Variants in KIAA1217 observed in about 807,000 individuals in gnomAD.
KIAA1217 encodes KIAA1217.
Under a neutral mutation model 163.9 loss-of-function variants are expected in KIAA1217, and 88 were observed. The observed-to-expected ratio is 0.54, with a 90% CI of 0.45 to 0.64. KIAA1217 has a LOEUF of 0.64. Ranked by LOEUF, KIAA1217 falls within the 30% of genes least tolerant of loss-of-function variation. The probability of loss-of-function intolerance (pLI) is 0.00; values close to 1 mark genes in which losing one functional copy is unlikely to be tolerated. For missense variants in KIAA1217, 2,372 were observed against 2,475.0 expected, an observed-to-expected ratio of 0.96 and a Z score of 0.88; for synonymous variants, 903 against 923.1, an observed-to-expected ratio of 0.98 and a Z score of 0.39.
intron 2 of KIAA1217, among the ~76,000 whole-genome samples, chr10:24,083,820 G>T (rs2061608770): frequency 6.6e-6 from 1 of 152,232 alleles, no homozygotes; most frequent in Non-Finnish European, 1.5e-5. Flanking sequence ...TTTCTGCCTT[G>T]TGTAATGAGT....
chr10:24,119,905 A>G (rs925549232), intron 2 of KIAA1217, among the ~76,000 whole-genome samples: 4 of 152,350 alleles, frequency 2.6e-5, no homozygotes, highest in Admixed American at 2.0e-4. Context: ...CACAAAAGCC[A>G]TCACCTGTAC....
At chr10:23,919,844 T>C (rs74123158) in intron 1 of KIAA1217, among the ~76,000 whole-genome samples, 13,326 of 152,130 alleles carry the variant, frequency 0.088, 1,191 homozygotes, top group African/African-American at 0.23. Context: ...TGCAAAATTC[T>C]GCCCCATGAC....
At chr10:24,386,193 C>G (rs2053984421) in intron 3 of KIAA1217, among the ~76,000 whole-genome samples, 1 of 152,212 alleles carries the variant, frequency 6.6e-6, no homozygotes, top group African/African-American at 2.4e-5. Context: ...CTGCAACAAA[C>G]TGCCTCTGAA....
intron 2 of KIAA1217, among the ~76,000 whole-genome samples, chr10:24,234,369 A>G (rs2071882908): frequency 6.6e-6 from 1 of 152,130 alleles, no homozygotes; most frequent in Admixed American, 6.6e-5. Context: ...TAGAAACTAC[A>G]TACATATATA....
intron 2 of KIAA1217, among the ~76,000 whole-genome samples, chr10:24,126,757 T>G (rs1250860198): frequency 6.6e-6 from 1 of 152,024 alleles, no homozygotes; most frequent in Non-Finnish European, 1.5e-5. Context: ...TCACTTGGCA[T>G]CTAGATAGAA....
chr10:24,491,687 C>A (rs1394469299), intron 6 of KIAA1217, among the ~76,000 whole-genome samples: 2 of 152,164 alleles, frequency 1.3e-5, no homozygotes, highest in Non-Finnish European at 2.9e-5. Flanking sequence ...CTAGCCCTAA[C>A]CAGCATTGTT....
intron 1 of KIAA1217, among the ~76,000 whole-genome samples, chr10:23,946,120 T>C (rs1844029384): frequency 6.6e-6 from 1 of 152,192 alleles, no homozygotes; most frequent in African/African-American, 2.4e-5. Flanking sequence ...AACAACCTAA[T>C]AGTTATAAAC....
chr10:24,402,516 C>CAAAAAAAAAAAAAAAAAAAAAA (rs372012492), intron 3 of KIAA1217, among the ~76,000 whole-genome samples: 3 of 93,002 alleles, frequency 3.2e-5, no homozygotes, highest in African/African-American at 4.3e-5. Context: ...CTCAAAAAAA[C>CAAAAAAAAAAAAAAAAAAAAAA]AAAAAACAAA....
At chr10:24,361,997 AAAAAAAAG>A (rs2050099190) in intron 2 of KIAA1217, among the ~76,000 whole-genome samples, 2 of 151,880 alleles carry the variant, frequency 1.3e-5, no homozygotes, top group South Asian at 2.1e-4. Context: ...AAAAAAAAAA[AAAAAAAAG>A]AAAGAAAGAA....
intron 1 of KIAA1217, among the ~76,000 whole-genome samples, chr10:23,807,473 G>A (rs1411218892): frequency 6.6e-6 from 1 of 152,256 alleles, no homozygotes; most frequent in Non-Finnish European, 1.5e-5. Context: ...GTGGAGTGGG[G>A]GGATTAAGAG....
intron 3 of KIAA1217, among the ~76,000 whole-genome samples, chr10:24,401,183 CAATA>C (rs949526511): frequency 1.5e-4 from 20 of 136,086 alleles, no homozygotes; most frequent in African/African-American, 7.5e-4. Context: ...TACCATCAAC[CAATA>C]TATATATATA....
rs140481789 is a variant in KIAA1217, at chr10:24,221,283, T to C, written c.354+1374T>C. Reference sequence around the variant, plus strand: ...TTGAGGCCTCCTCTACCGACCTCACTGGCGAGTTACCAGATTGACCTTTGT... The same window carrying C: ...TTGAGGCCTCCTCTACCGACCTCACCGGCGAGTTACCAGATTGACCTTTGT... On this transcript the variant is annotated intron_variant, in intron 2 of 20. Coordinates refer to ENST00000376454, the MANE Select transcript of KIAA1217 (RefSeq NM_019590.5). Among the ~76,000 whole-genome samples, 1,266 of 147,608 alleles carry C rather than the reference T, an allele frequency of 8.6e-3. 13 individuals are homozygous for C. Among genetic ancestry groups the C allele is most frequent in the Middle Eastern group, 0.01 (3 of 286 alleles).
At chr10:24,410,048 G>A (rs1314339357) in intron 3 of KIAA1217, among the ~76,000 whole-genome samples, 1 of 134,084 alleles carries the variant, frequency 7.5e-6, no homozygotes, top group South Asian at 2.3e-4. Flanking sequence ...CCAGGCTGAA[G>A]TACAGTGGTG....
chr10:24,418,397 G>T, intron 3 of KIAA1217, among the ~76,000 whole-genome samples: 1 of 152,132 alleles, frequency 6.6e-6, no homozygotes, highest in East Asian at 1.9e-4. Context: ...GGACCAAACA[G>T]GTTGTGCCTT....
intron 3 of KIAA1217, among the ~76,000 whole-genome samples, chr10:24,414,828 A>T (rs2058095880): frequency 6.6e-6 from 1 of 152,210 alleles, no homozygotes; most frequent in African/African-American, 2.4e-5. Flanking sequence ...TGACTCTTAA[A>T]AGGCAGCGCC....
chr10:24,481,419 T>G (rs958334790), intron 6 of KIAA1217: 7 of 152,218 alleles, frequency 4.6e-5, no homozygotes, highest in Admixed American at 1.3e-4. Flanking sequence ...TTCCTGAGAG[T>G]GACAATGTCT....
intron 2 of KIAA1217, among the ~76,000 whole-genome samples, chr10:24,276,652 G>A (rs978763127): frequency 6.9e-6 from 1 of 145,896 alleles, no homozygotes; most frequent in Non-Finnish European, 1.5e-5. Context: ...CTTTGTCACC[G>A]AGGCCGTAGT....
At chr10:23,991,132 A>G (rs536923172) in intron 1 of KIAA1217, among the ~76,000 whole-genome samples, 1 of 152,304 alleles carries the variant, frequency 6.6e-6, no homozygotes, top group South Asian at 2.1e-4. Flanking sequence ...TGGGTCATCA[A>G]ACTAGTCGGG....
chr10:24,188,888 G>A (rs374475916), intron 2 of KIAA1217, among the ~76,000 whole-genome samples: 4 of 151,976 alleles, frequency 2.6e-5, no homozygotes, highest in East Asian at 1.9e-4. Context: ...GGCAGATCGC[G>A]GGGTCAGGAG....
Sources: gnomAD v4.1 joint callset for allele counts (sites outside exome capture counted in the v4.1 genomes callset) on GRCh38, gnomAD v4.1.1 for gene constraint, MANE v1.5 for transcripts, NCBI Gene and HGNC (gene_info 2026-07-23, HGNC 2026-07-21) for gene names.